The following MAP2 variants were observed in gnomAD, a reference collection of about 807,000 sequenced individuals.
MAP2 encodes microtubule associated protein 2.
Under a neutral mutation model 137.6 loss-of-function variants are expected in MAP2, and 14 were observed. That is an observed-to-expected ratio of 0.10 (90% CI 0.07 to 0.16). MAP2 has a LOEUF of 0.16. Ranked by LOEUF, MAP2 falls within the 10% of genes least tolerant of loss-of-function variation. The probability of loss-of-function intolerance (pLI) is 1.00; values close to 1 mark genes in which losing one functional copy is unlikely to be tolerated. For missense variants in MAP2, 2,088 were observed against 2,191.5 expected (o/e 0.95, Z 0.94); for synonymous variants, 786 against 782.3 (o/e 1.00, Z -0.08).
intron 2 of MAP2, among the ~76,000 whole-genome samples, chr2:209,561,224 G>A (rs2071987522): frequency 6.6e-6 from 1 of 152,164 alleles, no homozygotes; most frequent in African/African-American, 2.4e-5. Context: ...TATATTTTTG[G>A]TTTTGTGTCA....
At chr2:209,561,238 T>A (rs1035093360) in intron 2 of MAP2, among the ~76,000 whole-genome samples, 14 of 152,336 alleles carry the variant, frequency 9.2e-5, no homozygotes, top group Admixed American at 5.9e-4. Context: ...TGTGTCAAAT[T>A]CAGGTGAAAG....
chr2:209,536,635 T>G (rs2150665758), intron 2 of MAP2, among the ~76,000 whole-genome samples: 1 of 152,288 alleles, frequency 6.6e-6, no homozygotes, highest in Admixed American at 6.5e-5. Context: ...GTCTGTGTCT[T>G]GGGTGATGGT....
At position 209,440,090 on chromosome 2, in the gene MAP2, G is replaced by T. The variant is rs558751339; in HGVS notation, c.-222+15814G>T. On this transcript the variant is annotated intron_variant, in intron 1 of 15. Coordinates refer to ENST00000682079, the MANE Select transcript of MAP2 (RefSeq NM_001375505.1). ...TGAAACATTCACTAATTTCAGTTTTGAAGTTGTGAACAAGACACCATAGTC... is the reference window on the plus strand; with the variant it reads ...TGAAACATTCACTAATTTCAGTTTTTAAGTTGTGAACAAGACACCATAGTC... Among the ~76,000 whole-genome samples, 334 of 151,456 alleles carry T rather than the reference G, an allele frequency of 2.2e-3. 2 individuals are homozygous for T. Among genetic ancestry groups the T allele is most frequent in the Non-Finnish European group, 3.6e-3 (242 of 67,570 alleles).
chr2:209,472,872 TTCTAG>T (rs1450649874), intron 1 of MAP2, among the ~76,000 whole-genome samples: 2 of 152,192 alleles, frequency 1.3e-5, no homozygotes, highest in Non-Finnish European at 2.9e-5. Flanking sequence ...TTGAGAGATC[TTCTAG>T]TCAAGTCTGT....
At chr2:209,436,024 A>ATATATACTGTATATATTATATAT (rs1187754273) in intron 1 of MAP2, among the ~76,000 whole-genome samples, 5 of 123,078 alleles carry the variant, frequency 4.1e-5, no homozygotes, top group Admixed American at 8.8e-5. Flanking sequence ...ATTATATATA[A>ATATATACTGTATATATTATATAT]AATATATATA....
At chr2:209,682,625 A>G (rs2055147704) in intron 7 of MAP2, among the ~76,000 whole-genome samples, 1 of 152,238 alleles carries the variant, frequency 6.6e-6, no homozygotes, top group South Asian at 2.1e-4. Flanking sequence ...GAGAAACCTG[A>G]TTTTATTGGG....
At chr2:209,726,403 T>C (rs912562023) in intron 14 of MAP2, among the ~76,000 whole-genome samples, 5 of 152,174 alleles carry the variant, frequency 3.3e-5, no homozygotes, top group Non-Finnish European at 7.4e-5. Context: ...CCCTTTAAAG[T>C]GTGAATCTAA....
intron 2 of MAP2, among the ~76,000 whole-genome samples, chr2:209,571,779 A>G (rs759558115): frequency 6.6e-6 from 1 of 151,998 alleles, no homozygotes; most frequent in East Asian, 1.9e-4. Context: ...TTAGGTGGTA[A>G]TGTCATATGA....
At chr2:209,688,995 T>A (rs976075057) in intron 7 of MAP2, among the ~76,000 whole-genome samples, 1 of 152,204 alleles carries the variant, frequency 6.6e-6, no homozygotes, top group South Asian at 2.1e-4. Context: ...AATATGTGAG[T>A]TTTTAAATTA....
intron 2 of MAP2, among the ~76,000 whole-genome samples, chr2:209,555,339 A>C (rs1456997387): frequency 6.6e-6 from 1 of 152,200 alleles, no homozygotes; most frequent in Non-Finnish European, 1.5e-5. Flanking sequence ...ATATTCACTC[A>C]GTTCAGTTAT....
At position 209,731,730 on chromosome 2, in the gene MAP2, A is replaced by T. The variant is rs567682536; in HGVS notation, c.*1333A>T. 2.6e-5 allele frequency: 4 copies of T among 152,342 alleles called. No homozygotes were observed. The highest frequency in any genetic ancestry group is 4.4e-5 in the Non-Finnish European group (3 of 68,030). The allele number at this position is 152,342 out of a possible 1,614,324, so 9.4% of individuals were successfully genotyped here. ...ATAGTATCTGTTTATTAAATTCTCT[A>T]ATAGAAGATGTTTGTCTTTCTTACC... On this transcript the variant is annotated 3_prime_UTR_variant, in exon 16 of 16. Coordinates refer to ENST00000682079, the MANE Select transcript of MAP2 (RefSeq NM_001375505.1).
chr2:209,454,124 C>T (rs13035684), intron 1 of MAP2, among the ~76,000 whole-genome samples: 4,214 of 130,334 alleles, frequency 0.032, 86 homozygotes, highest in South Asian at 0.068. Flanking sequence ...CACTCCATCC[C>T]GGGCAACAGA....
At chr2:209,620,239 A>G (rs1486912789) in intron 3 of MAP2, among the ~76,000 whole-genome samples, 3 of 152,172 alleles carry the variant, frequency 2.0e-5, no homozygotes. Flanking sequence ...GATGCTTCAG[A>G]CAAGACTAGA....
rs1027666389 is a variant in MAP2 at position 209,505,693 on chromosome 2, C to G, written c.-221-1899C>G. On this transcript the variant is annotated intron_variant, in intron 1 of 15. Coordinates refer to ENST00000682079, the MANE Select transcript of MAP2 (RefSeq NM_001375505.1). ...TTTCATATATTGAAAACATTTTGGC[C>G]AGGCACGGTGGCTTATGCCTGTAAT... Among the ~76,000 whole-genome samples the G allele has an allele frequency of 2.7e-5, 4 of 148,888 alleles. No homozygotes were observed. In the East Asian group the frequency reaches 7.7e-4, roughly 29 times the overall value.
At chr2:209,483,915 G>A (rs1408520294) in intron 1 of MAP2, among the ~76,000 whole-genome samples, 27 of 152,118 alleles carry the variant, frequency 1.8e-4, no homozygotes, top group Admixed American at 1.2e-3. Flanking sequence ...AGAGGCCTCA[G>A]AGCACTTCCA....
intron 2 of MAP2, among the ~76,000 whole-genome samples, chr2:209,536,089 G>A (rs2065905273): frequency 6.6e-6 from 1 of 152,104 alleles, no homozygotes; most frequent in South Asian, 2.1e-4. Context: ...TAACTATTAT[G>A]CTTTTTATTT....
At chr2:209,590,135 C>T (rs1397151304) in intron 3 of MAP2, among the ~76,000 whole-genome samples, 3 of 152,132 alleles carry the variant, frequency 2.0e-5, no homozygotes, top group Non-Finnish European at 2.9e-5. Flanking sequence ...CATCCATGCT[C>T]TCATTAGCAC....
At chr2:209,461,867 C>T (rs189199877) in intron 1 of MAP2, among the ~76,000 whole-genome samples, 415 of 152,274 alleles carry the variant, frequency 2.7e-3, no homozygotes, top group Admixed American at 3.7e-3. Context: ...CATCTCAGTA[C>T]TCTTACACAT....
intron 1 of MAP2, among the ~76,000 whole-genome samples, chr2:209,475,392 C>T (rs1465099862): frequency 6.6e-6 from 1 of 152,034 alleles, no homozygotes; most frequent in Non-Finnish European, 1.5e-5. Context: ...TCCCTTTCAT[C>T]TCTGCTCAGT....
Sources: allele counts gnomAD v4.1 joint callset (sites outside exome capture counted in the v4.1 genomes callset), GRCh38; gene constraint gnomAD v4.1.1; transcripts MANE v1.5; gene names NCBI Gene and HGNC (gene_info 2026-07-23, HGNC 2026-07-21).